ARHGEF10: variants seen among roughly 807,000 people sequenced by gnomAD.
ARHGEF10 encodes Rho guanine nucleotide exchange factor 10.
A neutral mutation model predicts 147.4 loss-of-function variants in ARHGEF10; 140 were observed. That is an observed-to-expected ratio of 0.95 (90% CI 0.83 to 1.09). The LOEUF (loss-of-function observed/expected upper bound fraction) is 1.09. Ranked by LOEUF, ARHGEF10 falls within the 50% of genes least tolerant of loss-of-function variation. ARHGEF10 has a pLI of 0.00. For synonymous variants in ARHGEF10, 902 were observed against 695.8 expected (o/e 1.30, Z -4.67); for missense variants, 2,222 against 1,752.7 (o/e 1.27, Z -4.78).
chr8:1,839,454 G>GTA (rs2129046438), intron 1 of ARHGEF10, among the ~76,000 whole-genome samples: 1 of 132,050 alleles, frequency 7.6e-6, no homozygotes, highest in African/African-American at 2.9e-5. Context: ...TGGTGTGGAA[G>GTA]CTGTCTGGTG....
At chr8:1,885,411 T>C (rs996667699) in intron 10 of ARHGEF10, among the ~76,000 whole-genome samples, 190 bp from the exon 11 acceptor site, 4 of 152,224 alleles carry the variant, frequency 2.6e-5, no homozygotes, top group Non-Finnish European at 4.4e-5. Flanking sequence ...ACAAATATTG[T>C]ATTACCCTCT....
chr8:1,940,823 AAATC>A (rs1814029830), intron 26 of ARHGEF10, among the ~76,000 whole-genome samples: 1 of 152,230 alleles, frequency 6.6e-6, no homozygotes, highest in African/African-American at 2.4e-5. Context: ...CAGGACGTGA[AAATC>A]AATCAGTGGA....
Position 1,843,251 on chromosome 8 carries a change from T to A in ARHGEF10, c.-47-102T>A, listed in dbSNP as rs537484456. The A allele has an allele frequency of 4.8e-5, 39 of 808,298 alleles. No homozygotes were observed. In the African/African-American group the frequency reaches 6.4e-4, roughly 13 times the overall value. 50.1% of individuals were successfully genotyped at this position (808,298 alleles called of 1,614,324 possible). On this transcript the variant is annotated intron_variant, in intron 1 of 28. Transcript: ENST00000349830. ...TCTAATTATGGCTAGTAATGACAGT[T>A]AGCTCTTCCTTTTTGCGGGGTTCTC...
chr8:1,858,348 G>T (rs957787012), intron 3 of ARHGEF10, among the ~76,000 whole-genome samples: 6 of 152,090 alleles, frequency 3.9e-5, no homozygotes, highest in Non-Finnish European at 8.8e-5. Context: ...CCATTCTTAC[G>T]GCCCAATTGG....
intron 11 of ARHGEF10, among the ~76,000 whole-genome samples, chr8:1,886,359 C>G (rs1049135831): frequency 4.6e-5 from 7 of 152,112 alleles, no homozygotes; most frequent in Non-Finnish European, 1.5e-5. Context: ...GATGGATAGG[C>G]AGACATATGT....
At chr8:1,905,254 CT>C (rs35234164) in intron 16 of ARHGEF10, among the ~76,000 whole-genome samples, 37,701 of 152,092 alleles carry the variant, frequency 0.25, 5,462 homozygotes, top group African/African-American at 0.41. Flanking sequence ...TATGGCCTAC[CT>C]TTAAGAAGTT....
chr8:1,833,262 G>GCAGAGGCAGAGA lies in ARHGEF10; in HGVS notation c.-48+9156_-48+9167dup, dbSNP rs1803357898. Among the ~76,000 whole-genome samples the GCAGAGGCAGAGA allele has an allele frequency of 3.8e-5, 5 of 130,762 alleles. No homozygotes were observed. In the East Asian group the frequency reaches 1.3e-3, roughly 34 times the overall value. 85.8% of individuals were successfully genotyped at this position (130,762 alleles called of 152,430 possible). A position where few individuals can be genotyped will look rare whatever the true frequency, so the allele number is the denominator to read the frequency against. The stretch of plus-strand genomic sequence containing the variant: ...GACAAAGACAGAGGCCGAGACAGAG[G>GCAGAGGCAGAGA]CAGAGGCAGAGACAGAGGTAGAGAC... On this transcript the variant is annotated intron_variant, in intron 1 of 28. Coordinates refer to ENST00000349830, the MANE Select transcript of ARHGEF10 (RefSeq NM_014629.4).
chr8:1,884,353 G>A (rs907916643), intron 10 of ARHGEF10, among the ~76,000 whole-genome samples: 18 of 150,474 alleles, frequency 1.2e-4, no homozygotes, highest in Non-Finnish European at 2.4e-4. Context: ...CCGAGATTGC[G>A]CCACTGCACT....
intron 1 of ARHGEF10, among the ~76,000 whole-genome samples, chr8:1,830,625 AC>A (rs1180132814): frequency 6.6e-6 from 1 of 152,226 alleles, no homozygotes; most frequent in African/African-American, 2.4e-5. Flanking sequence ...AAGTGCTCTC[AC>A]GCCCCAAGGC....
chr8:1,929,461 GCCT>G lies in ARHGEF10; in HGVS notation c.3079+22_3079+24del. On this transcript the variant is annotated intron_variant, in intron 25 of 28. Coordinates refer to ENST00000349830, the MANE Select transcript of ARHGEF10 (RefSeq NM_014629.4). ...AGCCCCAGGTGAGGCGGGTCTCACG[GCCT>G]CCTGGCCGGTCCTTGGGGTTCACTC... is the stretch of plus-strand genomic sequence containing the variant. 1 of 1,593,542 alleles carries G rather than the reference GCCT, an allele frequency of 6.3e-7. No homozygotes were observed. The highest frequency in any genetic ancestry group is 8.5e-7 in the Non-Finnish European group (1 of 1,170,424).
chr8:1,842,365 G>A (rs554838891), intron 1 of ARHGEF10, among the ~76,000 whole-genome samples: 1 of 152,322 alleles, frequency 6.6e-6, no homozygotes, highest in Admixed American at 6.5e-5. Context: ...GGAATTCGCC[G>A]GCCTGGTGGC....
At chr8:1,915,754 G>A (rs1448673938) in intron 18 of ARHGEF10, among the ~76,000 whole-genome samples, 1 of 152,246 alleles carries the variant, frequency 6.6e-6, no homozygotes, top group African/African-American at 2.4e-5. Context: ...AGCTCAACAG[G>A]AGGCAGGGAG....
rs146410452 is a variant in ARHGEF10 at position 1,926,893 on chromosome 8, C to T, written c.2697+430C>T. ...GAAATTAGGCTGGAATTGCAGTAGA[C>T]GTTCCTGGTTCTTGCAAACCAGAGG... On this transcript the variant is annotated intron_variant, in intron 23 of 28. Coordinates refer to ENST00000349830, the MANE Select transcript of ARHGEF10 (RefSeq NM_014629.4). The T allele has an allele frequency of 1.7e-4, 51 of 299,932 alleles. No individual in the cohort carries two copies. The East Asian group carries it at 4.3e-3, about 25-fold the overall frequency. 18.6% of individuals were successfully genotyped at this position (299,932 alleles called of 1,614,324 possible). A position where few individuals can be genotyped will look rare whatever the true frequency, so the allele number is the denominator to read the frequency against.
In ARHGEF10 at chr8:1,952,956, A is replaced by C; in HGVS notation, c.3520+129A>C. ...CATATTATCTGTGGTTTTTCAGTGTATTATAATGACTTAATAGACTGTTTA... is the reference window on the plus strand; with the variant it reads ...CATATTATCTGTGGTTTTTCAGTGTCTTATAATGACTTAATAGACTGTTTA... On this transcript the variant is annotated intron_variant, in intron 28 of 28. Transcript: ENST00000349830. The C allele has an allele frequency of 3.0e-6, 4 of 1,350,970 alleles. No individual in the cohort carries two copies. The East Asian group carries it at 9.7e-5, about 33-fold the overall frequency. 83.7% of individuals were successfully genotyped at this position (1,350,970 alleles called of 1,614,324 possible).
Position 1,859,925 on chromosome 8 carries a change from C to G in ARHGEF10, c.222C>G (p.Thr74=). ...TGGEDGAGAE[T]TPVAEPTKLV... ...GTGAGGATGGAGCTGGAGCAGAAAC[C>G]ACCCCAGTGGCAGAGCCTACTAAGC... is the stretch of plus-strand genomic sequence containing the variant. The change falls in exon 4 of 29, where the codon ACC becomes ACG. Residue 74 remains threonine (T), a synonymous_variant. Transcript: ENST00000349830. 1 of 1,614,162 alleles carries G rather than the reference C, an allele frequency of 6.2e-7. No individual in the cohort carries two copies. The highest frequency in any genetic ancestry group is 8.5e-7 in the Non-Finnish European group (1 of 1,180,024).
At chr8:1,844,234 C>T (rs1270820994) in intron 2 of ARHGEF10, among the ~76,000 whole-genome samples, 2 of 152,196 alleles carry the variant, frequency 1.3e-5, no homozygotes, top group Non-Finnish European at 2.9e-5. Context: ...GGGATTTGGT[C>T]GTCTGTGCCC....
In ARHGEF10 at chr8:1,928,511, G is replaced by A. The variant is rs531739517; in HGVS notation, c.2782G>A (p.Val928Met). 8 of 1,614,194 alleles carry A rather than the reference G, an allele frequency of 5.0e-6. No homozygotes were observed. Among genetic ancestry groups the A allele is most frequent in the Middle Eastern group, 1.6e-4 (1 of 6,062 alleles). ...TCCCAAAGTCATTGAGTGCTTCAAC[G>A]TGGAATCTCGCATCCTGTGCATGCT... ...STPKVIECFN[V>M]ESRILCMLYV... Residue 928 changes from valine to methionine, a missense_variant, in exon 24 of 29, where the codon GTG becomes ATG. Transcript: ENST00000349830.
At chr8:1,859,762 A>C (rs1780192787) in intron 3 of ARHGEF10, 135 bp from the exon 4 acceptor site, 1 of 1,077,744 alleles carries the variant, frequency 9.3e-7, no homozygotes, top group East Asian at 2.5e-5. Context: ...CCACCTGATG[A>C]CCTGGGAACG....
chr8:1,823,927 G>A lies in ARHGEF10; in HGVS notation c.-234G>A, dbSNP rs1314756362. 1 of 151,600 alleles carries A rather than the reference G, an allele frequency of 6.6e-6. No homozygotes were observed. The highest frequency in any genetic ancestry group is 2.4e-5 in the African/African-American group (1 of 41,238). The allele number at this position is 151,600 out of a possible 1,614,324, so 9.4% of individuals were successfully genotyped here. ...GGTGGAGCAGGCCGTCCGGGCGGGAGGGGCTGGGCGCATCCCTGTAGCCGG... is the reference window on the plus strand; with the variant it reads ...GGTGGAGCAGGCCGTCCGGGCGGGAAGGGCTGGGCGCATCCCTGTAGCCGG... On this transcript the variant is annotated 5_prime_UTR_variant, in exon 1 of 29. Transcript: ENST00000349830.
Sources: gnomAD v4.1 joint callset for allele counts (sites outside exome capture counted in the v4.1 genomes callset) on GRCh38, gnomAD v4.1.1 for gene constraint, MANE v1.5 for transcripts, NCBI Gene and HGNC (gene_info 2026-07-23, HGNC 2026-07-21) for gene names.